CDH13: variants seen among roughly 807,000 people sequenced by gnomAD.
CDH13 encodes cadherin 13.
CDH13 carries 24 observed loss-of-function variants against 63.8 expected under a neutral mutation model. The observed-to-expected ratio is 0.38, with a 90% CI of 0.27 to 0.53. CDH13 has a LOEUF of 0.53. Among genes scored for constraint, CDH13 ranks in the 20% least tolerant of loss-of-function variants. The pLI, the probability that CDH13 is intolerant of heterozygous loss-of-function variation, is 0.85. For synonymous variants in CDH13, 503 were observed against 355.3 expected, an observed-to-expected ratio of 1.42 and a Z score of -4.67; for missense variants, 1,049 against 903.1, an observed-to-expected ratio of 1.16 and a Z score of -2.07.
chr16:83,026,962 C>T (rs915545674), intron 2 of CDH13, among the ~76,000 whole-genome samples: 1 of 152,082 alleles, frequency 6.6e-6, no homozygotes, highest in Non-Finnish European at 1.5e-5. Context: ...GGTCCAGGGG[C>T]CAAGGGGAGA....
chr16:83,036,464 T>G (rs774230364), intron 3 of CDH13, among the ~76,000 whole-genome samples: 140 of 152,078 alleles, frequency 9.2e-4, no homozygotes, highest in Non-Finnish European at 1.5e-3. Flanking sequence ...GCTCTCTGCT[T>G]TAACAGTAGG....
At chr16:83,438,056 T>G (rs1437907748) in intron 6 of CDH13, among the ~76,000 whole-genome samples, 1 of 151,872 alleles carries the variant, frequency 6.6e-6, no homozygotes, top group East Asian at 1.9e-4. Context: ...TGTGCTAGAG[T>G]GGACTCTAAA....
chr16:83,356,373 A>C (rs1443652692), intron 6 of CDH13, among the ~76,000 whole-genome samples: 1 of 152,102 alleles, frequency 6.6e-6, no homozygotes, highest in Non-Finnish European at 1.5e-5. Context: ...GTAACCTCAA[A>C]TAAAGCCAGA....
intron 1 of CDH13, among the ~76,000 whole-genome samples, chr16:82,775,410 CTT>C (rs947126237): frequency 6.6e-6 from 1 of 152,218 alleles, no homozygotes; most frequent in Non-Finnish European, 1.5e-5. Flanking sequence ...CCTTCTCTGA[CTT>C]TTACTTTTCT....
chr16:82,897,973 C>T (rs2041326608), intron 2 of CDH13, among the ~76,000 whole-genome samples: 1 of 152,134 alleles, frequency 6.6e-6, no homozygotes, highest in Non-Finnish European at 1.5e-5. Flanking sequence ...CTGCACCGTC[C>T]AATACAGTAA....
chr16:83,562,479 A>G (rs2075726395), intron 7 of CDH13, among the ~76,000 whole-genome samples: 1 of 152,256 alleles, frequency 6.6e-6, no homozygotes, highest in Non-Finnish European at 1.5e-5. Context: ...ATGTATTTTT[A>G]GATGTTTAAT....
At chr16:83,450,059 T>C (rs2072842405) in intron 6 of CDH13, among the ~76,000 whole-genome samples, 1 of 152,188 alleles carries the variant, frequency 6.6e-6, no homozygotes, top group Non-Finnish European at 1.5e-5. Flanking sequence ...CAGAGTTCAA[T>C]GCCGACATCC....
At position 82,737,546 on chromosome 16, in the gene CDH13, C is replaced by T. The variant is rs77348861; in HGVS notation, c.45+110409C>T. 1.4e-3 allele frequency among the ~76,000 whole-genome samples: 212 copies of T among 152,322 alleles called. 4 individuals are homozygous for T. In the East Asian group the frequency reaches 0.015, roughly 11 times the overall value. ...ATCTCAATATCAACCACTGCCCCAA[C>T]GGTCTTGCATTTCATACTTAAGCAA... On this transcript the variant is annotated intron_variant, in intron 1 of 13. Transcript: ENST00000567109.
chr16:83,368,352 A>C (rs1312012595), intron 6 of CDH13, among the ~76,000 whole-genome samples: 1 of 152,192 alleles, frequency 6.6e-6, no homozygotes, highest in African/African-American at 2.4e-5. Context: ...TTACCTTTCT[A>C]ACGTGTGAAC....
chr16:83,259,816 C>A (rs1906742219), intron 5 of CDH13, among the ~76,000 whole-genome samples: 1 of 152,074 alleles, frequency 6.6e-6, no homozygotes, highest in Non-Finnish European at 1.5e-5. Flanking sequence ...GCTTACCTAC[C>A]TTTCATGTTT....
intron 3 of CDH13, among the ~76,000 whole-genome samples, chr16:83,052,092 A>G (rs1028346328): frequency 6.6e-6 from 1 of 152,222 alleles, no homozygotes; most frequent in Non-Finnish European, 1.5e-5. Flanking sequence ...TAACTATATC[A>G]TGCATTCTCT....
At chr16:82,828,298 C>A (rs1438249704) in intron 1 of CDH13, among the ~76,000 whole-genome samples, 1 of 152,176 alleles carries the variant, frequency 6.6e-6, no homozygotes, top group African/African-American at 2.4e-5. Context: ...GGCTCCACAT[C>A]TGCGGATTCA....
chr16:83,467,438 A>G (rs2073344463), intron 6 of CDH13, among the ~76,000 whole-genome samples: 1 of 152,170 alleles, frequency 6.6e-6, no homozygotes, highest in African/African-American at 2.4e-5. Flanking sequence ...AAAAGATAAC[A>G]TAGATGCCTG....
chr16:83,232,665 A>T (rs1567525981), intron 5 of CDH13, among the ~76,000 whole-genome samples: 1 of 151,922 alleles, frequency 6.6e-6, no homozygotes, highest in Non-Finnish European at 1.5e-5. Flanking sequence ...AAGTTTCCTG[A>T]GTCCTCCCCA....
At chr16:82,858,293 AT>A in intron 1 of CDH13, 68 bp from the exon 2 acceptor site, 1 of 1,022,056 alleles carries the variant, frequency 9.8e-7, no homozygotes. Flanking sequence ...AAAGTTGCGG[AT>A]TTGGCGAAAG....
chr16:83,270,796 T>G (rs2088779995), intron 5 of CDH13, among the ~76,000 whole-genome samples: 2 of 150,526 alleles, frequency 1.3e-5, no homozygotes, highest in African/African-American at 4.9e-5. Flanking sequence ...TTGCTTTTTT[T>G]GTTGTTAGTG....
chr16:83,291,411 G>A (rs2089463099), intron 5 of CDH13, among the ~76,000 whole-genome samples: 1 of 152,010 alleles, frequency 6.6e-6, no homozygotes, highest in Non-Finnish European at 1.5e-5. Context: ...GATACCTGAG[G>A]TTTGGCGACC....
At chr16:83,405,636 T>C (rs1464667489) in intron 6 of CDH13, among the ~76,000 whole-genome samples, 2 of 152,270 alleles carry the variant, frequency 1.3e-5, no homozygotes, top group Non-Finnish European at 2.9e-5. Context: ...CCACCAAATC[T>C]GTGATAATCT....
intron 6 of CDH13, among the ~76,000 whole-genome samples, chr16:83,446,090 G>C (rs1054256163): frequency 1.3e-5 from 2 of 152,022 alleles, no homozygotes; most frequent in Non-Finnish European, 2.9e-5. Context: ...ATTACAGGAG[G>C]TCAGGAGTTC....
Sources: gnomAD v4.1 joint callset for allele counts (sites outside exome capture counted in the v4.1 genomes callset) on GRCh38, gnomAD v4.1.1 for gene constraint, MANE v1.5 for transcripts, NCBI Gene and HGNC (gene_info 2026-07-23, HGNC 2026-07-21) for gene names.